Variants in CSTF2 observed in about 807,000 individuals in gnomAD.
CSTF2 encodes the protein CF-1 64 kDa subunit.
In CSTF2, 8 loss-of-function variants were observed where a neutral mutation model predicts 45.4. The ratio of observed to expected loss-of-function variants is 0.18; its 90% CI spans 0.10 to 0.32. CSTF2 has a LOEUF of 0.32. CSTF2 is among the 10% of genes least tolerant of loss of function. CSTF2 has a pLI of 1.00. For missense variants in CSTF2, 253 were observed against 477.1 expected, an observed-to-expected ratio of 0.53 and a Z score of 4.38; for synonymous variants, 155 against 158.9, an observed-to-expected ratio of 0.98 and a Z score of 0.18.
chrX:100,822,545 C>T, intron 3 of CSTF2, 125 bp downstream of exon 3: 1 of 666,625 alleles, frequency 1.5e-6, no homozygotes. Context: ...TATTACTTGA[C>T]TGACCTGATG....
chrX:100,831,818 A>T (rs1299191940), intron 9 of CSTF2, among the ~76,000 whole-genome samples, 162 bp downstream of exon 9: 1 of 112,794 alleles, frequency 8.9e-6, no homozygotes, highest in Non-Finnish European at 1.9e-5. Context: ...CTAAGGCAGA[A>T]CTATGTACTT....
chrX:100,830,080 A>G (rs1364126748), intron 8 of CSTF2, among the ~76,000 whole-genome samples: 1 of 111,944 alleles, frequency 8.9e-6, no homozygotes, highest in East Asian at 2.8e-4. Context: ...GCTGCTTTTA[A>G]TGCTGAAAGG....
In CSTF2 at chrX:100,840,796, C is replaced by G. The variant is rs1166589795; in HGVS notation, c.*86C>G. 2.7e-5 allele frequency: 3 copies of G among 112,016 alleles called. No individual in the cohort carries two copies. Among genetic ancestry groups the G allele is most frequent in the African/African-American group, 6.5e-5 (2 of 30,828 alleles). 9.2% of individuals were successfully genotyped at this position (112,016 alleles called of 1,213,427 possible). A position where few individuals can be genotyped will look rare whatever the true frequency, so the allele number is the denominator to read the frequency against. ...AAAAAAGATGACCTGCATCCTAACC[C>G]TTGAATGACTCAAATCAGTGCCAGG... On this transcript the variant is annotated 3_prime_UTR_variant, in exon 14 of 14. Coordinates refer to ENST00000372972, the MANE Select transcript of CSTF2 (RefSeq NM_001325.3).
In CSTF2 at chrX:100,833,272, G is replaced by A. The variant is rs771505983; in HGVS notation, c.1300G>A (p.Ala434Thr). 1 of 1,208,300 alleles carries A rather than the reference G, an allele frequency of 8.3e-7. No homozygotes were observed. The highest frequency in any genetic ancestry group is 1.8e-5 in the African/African-American group (1 of 57,017). ...AGATGCCAGAGGATTAGAGGCCCGT[G>A]CAATGGAGGCCCGTGCGATGGAAGC... is the stretch of plus-strand genomic sequence containing the variant. ...GLDARGLEAR[A>T]MEARAMEARA... Residue 434 changes from alanine (A) to threonine (T), a missense_variant, in exon 11 of 14, where the codon GCA (alanine) becomes ACA (threonine). Coordinates refer to ENST00000372972, the MANE Select transcript of CSTF2 (RefSeq NM_001325.3).
At chrX:100,826,427 C>T (rs1167499262) in intron 6 of CSTF2, among the ~76,000 whole-genome samples, 1 of 109,475 alleles carries the variant, frequency 9.1e-6, no homozygotes, top group African/African-American at 3.3e-5. Flanking sequence ...TAACCGTGTT[C>T]CATATAACCA....
intron 10 of CSTF2, 44 bp from the exon 11 acceptor site, chrX:100,833,136 A>G: frequency 8.7e-7 from 1 of 1,148,741 alleles, no homozygotes; most frequent in Non-Finnish European, 1.2e-6. Flanking sequence ...CTTGCAGTAC[A>G]TGCAAGTAGC....
intron 8 of CSTF2, among the ~76,000 whole-genome samples, chrX:100,829,763 T>C (rs2084964311): frequency 1.8e-5 from 2 of 112,101 alleles, no homozygotes. Context: ...AGAGTATTTC[T>C]GCAGTAATGA....
At chrX:100,838,193 G>T in intron 12 of CSTF2, 46 bp from the exon 13 acceptor site, 2 of 1,082,489 alleles carry the variant, frequency 1.8e-6, no homozygotes, top group African/African-American at 1.9e-5. Flanking sequence ...GTATTTTTTA[G>T]CTGCCATCAT....
chrX:100,829,633 C>G (rs1249548226), intron 8 of CSTF2, among the ~76,000 whole-genome samples: 1 of 112,016 alleles, frequency 8.9e-6, no homozygotes, highest in Non-Finnish European at 1.9e-5. Context: ...AGAAGTCTGA[C>G]AGCAGGACAA....
Position 100,832,907 on chromosome X carries a change from G to C in CSTF2, c.1205G>C (p.Arg402Thr). 8.4e-7 allele frequency: 1 copy of C among 1,188,693 alleles called. No individual in the cohort carries two copies. The highest frequency in any genetic ancestry group is 1.1e-6 in the Non-Finnish European group (1 of 882,606). The change falls in exon 10 of 14, where the codon AGA becomes ACA. Residue 402 changes from arginine (R) to threonine (T), a missense_variant and splice_region_variant. This residue lies in a region of CSTF2 where 200 missense variants were observed against 294.0 expected (regional missense o/e 0.68). Transcript: ENST00000372972. ...LDQRGPPLDG[R>T]GGRDPRGIDA... ...CAGAGGGGTCCACCCTTGGATGGCA[G>C]AGGTAAGGGGAGATCACATTGCAAA...
At position 100,833,164 on chromosome X, in the gene CSTF2, AC is replaced by A. The variant is rs755077873; in HGVS notation, c.1208-15del. 525 of 1,199,826 alleles carry A rather than the reference AC, an allele frequency of 4.4e-4. 1 individual carries two copies. In the Middle Eastern group the frequency reaches 7.9e-3, roughly 18 times the overall value. On this transcript the variant is annotated splice_polypyrimidine_tract_variant and intron_variant, in intron 10 of 13. Coordinates refer to ENST00000372972, the MANE Select transcript of CSTF2 (RefSeq NM_001325.3). ...CAAGTAGCTACATAATGGTTTTGTT[AC>A]ATTTTTCTTTATAGGTGGAAGGGAT...
intron 11 of CSTF2, among the ~76,000 whole-genome samples, chrX:100,835,397 C>A (rs966422801): frequency 2.7e-5 from 3 of 110,739 alleles, no homozygotes; most frequent in Non-Finnish European, 5.7e-5. Context: ...GAGACCACAT[C>A]TTAAACTAAA....
chrX:100,835,583 C>T (rs1219933174), intron 11 of CSTF2, among the ~76,000 whole-genome samples: 2 of 104,217 alleles, frequency 1.9e-5, no homozygotes, highest in Admixed American at 2.1e-4. Context: ...GTCCTTAATT[C>T]ATACTTTTAA....
At position 100,828,094 on chromosome X, in the gene CSTF2, G is replaced by A. The variant is rs2084954386; in HGVS notation, c.881G>A (p.Arg294Gln). ...MPGSGPVSME[R>Q]GQVPMQDPRA... is the part of the protein sequence containing the mutation. ...GGAAGTGGACCAGTGTCCATGGAAC[G>A]GGGGCAAGGTAAATAAATATTAATG... is the stretch of plus-strand genomic sequence containing the variant. Residue 294 changes from arginine (R) to glutamine (Q), a missense_variant, in exon 8 of 14, where the codon CGG becomes CAG. Around this residue, in one of 3 missense-constraint regions of CSTF2, gnomAD observed 200 missense variants for 294.0 expected, o/e 0.68. Coordinates refer to ENST00000372972, the MANE Select transcript of CSTF2 (RefSeq NM_001325.3). 2.5e-6 allele frequency: 3 copies of A among 1,197,945 alleles called. No individual in the cohort carries two copies. The highest frequency in any genetic ancestry group is 3.4e-6 in the Non-Finnish European group (3 of 886,450).
Position 100,820,430 on chromosome X carries a change from C to G in CSTF2, c.14C>G (p.Thr5Ser). 1 of 1,211,849 alleles carries G rather than the reference C, an allele frequency of 8.3e-7. No homozygotes were observed. MAGL[T>S]VRDPAVDRSL... is the part of the protein sequence containing the mutation. ...CTCAACAGAGCTATGGCGGGTTTGACTGTGAGAGACCCAGCGGTGGATCGT... is the reference window on the plus strand; with the variant it reads ...CTCAACAGAGCTATGGCGGGTTTGAGTGTGAGAGACCCAGCGGTGGATCGT... The change falls in exon 1 of 14, where the codon ACT (threonine) becomes AGT (serine). Residue 5 changes from threonine to serine, a missense_variant. Physicochemically the swap from Thr to Ser is moderately conservative, Grantham distance 58. This residue lies in a region of CSTF2 where 45 missense variants were observed against 147.5 expected (regional missense o/e 0.31). Transcript: ENST00000372972.
rs979424108 is a variant in CSTF2 at position 100,823,306 on chromosome X, G to A, written c.322G>A (p.Ala108Thr). ...TTCTTGATTAGGCCTTGGCACTGGT[G>A]CCCCTGTCATTGAGTCACCTTATGG... ...KEELKSLGTG[A>T]PVIESPYGET... The change falls in exon 4 of 14, where the codon GCC (alanine) becomes ACC (threonine). Residue 108 changes from alanine (A) to threonine (T), a missense_variant. By Grantham distance (58) the Ala-to-Thr change is moderately conservative. Around this residue, in one of 3 missense-constraint regions of CSTF2, gnomAD observed 45 missense variants for 147.5 expected, o/e 0.31. Transcript: ENST00000372972. 2 of 1,209,672 alleles carry A rather than the reference G, an allele frequency of 1.7e-6. No individual in the cohort carries two copies. Among genetic ancestry groups the A allele is most frequent in the African/African-American group, 1.7e-5 (1 of 57,448 alleles).
At chrX:100,826,605 T>A in intron 6 of CSTF2, 29 bp from the exon 7 acceptor site, 1 of 1,200,955 alleles carries the variant, frequency 8.3e-7, no homozygotes, top group Non-Finnish European at 1.1e-6. Flanking sequence ...CAGAGGCATA[T>A]ACATACTCTG....
chrX:100,833,812 C>T (rs150725322), intron 11 of CSTF2, among the ~76,000 whole-genome samples: 1 of 111,678 alleles, frequency 9.0e-6, no homozygotes, highest in African/African-American at 3.2e-5. Context: ...GGATCTCATC[C>T]GAGGTATAAC....
At chrX:100,838,510 C>A in intron 13 of CSTF2, 146 bp downstream of exon 13, 1 of 426,925 alleles carries the variant, frequency 2.3e-6, no homozygotes, top group Non-Finnish European at 3.7e-6. Context: ...TAGGTCAGCT[C>A]CTGTAGGGAT....
Sources: gnomAD v4.1 joint callset for allele counts (sites outside exome capture counted in the v4.1 genomes callset) on GRCh38, gnomAD v4.1.1 for gene constraint, gnomAD v4.1.1 regional missense constraint, MANE v1.5 for transcripts, NCBI Gene and HGNC (gene_info 2026-07-23, HGNC 2026-07-21) for gene names.